Variants in LTF observed in about 807,000 individuals in gnomAD.
LTF encodes the protein lactotransferrin.
Under a neutral mutation model 87.2 loss-of-function variants are expected in LTF, and 91 were observed. The ratio of observed to expected loss-of-function variants is 1.04; its 90% CI spans 0.88 to 1.24. The LOEUF (loss-of-function observed/expected upper bound fraction) is 1.24. Ranked by LOEUF, LTF falls within the 50% of genes most tolerant of loss-of-function variation. The probability of loss-of-function intolerance (pLI) is 0.00; values close to 1 mark genes in which losing one functional copy is unlikely to be tolerated. For missense variants in LTF, 901 were observed against 904.3 expected, an observed-to-expected ratio of 1.00 and a Z score of 0.05; for synonymous variants, 378 against 356.1, an observed-to-expected ratio of 1.06 and a Z score of -0.69.
chr3:46,468,322 G>T, upstream of LTF: 2 of 456,758 alleles, frequency 4.4e-6, no homozygotes, highest in Non-Finnish European at 8.8e-6. Context: ...CAAAGAGCCT[G>T]CAGGGAAGCA....
intron 1 of LTF, among the ~76,000 whole-genome samples, chr3:46,461,182 G>T (rs1703072104): frequency 6.6e-6 from 1 of 152,198 alleles, no homozygotes; most frequent in South Asian, 2.1e-4. Flanking sequence ...GTGGAGAAGT[G>T]GAAACCCTCA....
intron 1 of LTF, among the ~76,000 whole-genome samples, chr3:46,476,801 G>C (rs1383005518): frequency 1.3e-5 from 2 of 152,166 alleles, no homozygotes; most frequent in African/African-American, 4.8e-5. Flanking sequence ...TTGTATAGAA[G>C]GTGCCTGAGG....
Position 46,482,492 on chromosome 3 carries a change from AG to A in LTF, c.-320+2493del, listed in dbSNP as rs1340716823. ...CAAAAAAGAAAGGAGAAGGAAGGGA[AG>A]GGAAGGGAAGGGAAGGGAAGGGAAG... On this transcript the variant is annotated intron_variant, in intron 1 of 19. Coordinates refer to the LTF transcript ENST00000443496. Among the ~76,000 whole-genome samples the A allele has an allele frequency of 5.4e-3, 15 of 2,800 alleles. 1 individual carries two copies. In the East Asian group the frequency reaches 0.2, roughly 37 times the overall value. 1.8% of individuals were successfully genotyped at this position (2,800 alleles called of 152,430 possible).
intron 1 of LTF, chr3:46,460,489 C>T (rs996425448): frequency 6.7e-6 from 3 of 446,190 alleles, no homozygotes; most frequent in African/African-American, 6.0e-5. Flanking sequence ...TGCTCAAATA[C>T]TGGTTCTTCT....
intron 1 of LTF, 90 bp downstream of exon 1, chr3:46,464,735 G>GCCAA (rs1703171333): frequency 6.8e-7 from 1 of 1,477,938 alleles, no homozygotes; most frequent in Admixed American, 1.9e-5. Context: ...CCCGCGCCCA[G>GCCAA]CCAACCGGAC....
At chr3:46,465,384 C>T (rs575424784), upstream of LTF, among the ~76,000 whole-genome samples, 3 of 152,324 alleles carry the variant, frequency 2.0e-5, no homozygotes, top group Admixed American at 6.5e-5. Flanking sequence ...CGACCACCCC[C>T]AGCAGCAGCC....
chr3:46,456,771 C>A (rs4683228), intron 2 of LTF, among the ~76,000 whole-genome samples: 62,562 of 152,102 alleles, frequency 0.41, 13,731 homozygotes, highest in East Asian at 0.61. Flanking sequence ...AGTTATTAAG[C>A]TATCCTAAAA....
chr3:46,450,120 T>A (rs1702766443), intron 7 of LTF, 92 bp from the exon 8 acceptor site: 5 of 1,076,444 alleles, frequency 4.6e-6, no homozygotes, highest in Non-Finnish European at 6.7e-6. Context: ...AGCTTTGGGA[T>A]CATTCTAACT....
intron 6 of LTF, 143 bp downstream of exon 6, chr3:46,454,162 G>C: frequency 1.3e-6 from 1 of 756,504 alleles, no homozygotes. Context: ...AAATATGAAA[G>C]ATCATAAAAT....
rs754789577 is a variant in LTF, at chr3:46,455,406, C to T, written c.536G>A (p.Gly179Asp). The change falls in exon 5 of 17, where the codon GGT becomes GAT. Residue 179 changes from glycine (G) to aspartate (D), a missense_variant. Coordinates refer to ENST00000231751, the MANE Select transcript of LTF (RefSeq NM_002343.6). ...ARFFSASCVP[G>D]ADKGQFPNLC... ...GTTGGGGAACTGTCCTTTATCTGCA[C>T]CGGGAACACAGCTGGCTGAGAAGAA... 1.9e-6 allele frequency: 3 copies of T among 1,614,222 alleles called. No individual in the cohort carries two copies. Among genetic ancestry groups the T allele is most frequent in the South Asian group, 1.1e-5 (1 of 91,086 alleles).
upstream of LTF, among the ~76,000 whole-genome samples, chr3:46,467,634 CTTTTCTTTTCTT>C (rs1007284970): frequency 5.7e-5 from 8 of 140,814 alleles, no homozygotes; most frequent in African/African-American, 2.1e-4. Context: ...TTTTTCTTTT[CTTTTCTTTTCTT>C]TTTTTTTTTT....
intron 10 of LTF, 33 bp downstream of exon 10, chr3:46,447,275 G>T: frequency 6.5e-7 from 1 of 1,542,852 alleles, no homozygotes; most frequent in Non-Finnish European, 9.0e-7. Context: ...ATGACCCAGA[G>T]GGAATATACC....
chr3:46,443,653 C>A, intron 12 of LTF, 71 bp from the exon 13 acceptor site: 1 of 1,522,140 alleles, frequency 6.6e-7, no homozygotes, highest in South Asian at 1.1e-5. Flanking sequence ...ACCTAACAGC[C>A]GATGCAGGGT....
chr3:46,447,293 G>A lies in LTF; in HGVS notation c.1303+15C>T. ...ACCCAGAGGGAATATACCAGAGGAT[G>A]CTAACTCCACTTACTGTAGTTCTCT... On this transcript the variant is annotated intron_variant, in intron 10 of 16. Coordinates refer to ENST00000231751, the MANE Select transcript of LTF (RefSeq NM_002343.6). The A allele has an allele frequency of 6.2e-7, 1 of 1,606,874 alleles. No individual in the cohort carries two copies. Among genetic ancestry groups the A allele is most frequent in the Admixed American group, 1.7e-5 (1 of 60,018 alleles).
chr3:46,482,525 G>A lies in LTF; in HGVS notation c.-320+2461C>T, dbSNP rs368931190. 1.1e-3 allele frequency among the ~76,000 whole-genome samples: 79 copies of A among 74,302 alleles called. 2 individuals are homozygous for A. Among genetic ancestry groups the A allele is most frequent in the African/African-American group, 4.7e-3 (57 of 12,236 alleles). The allele number at this position is 74,302 out of a possible 152,430, so 48.7% of individuals were successfully genotyped here. ...GAAGGGAAGGGAAGGGAAGGGAAGG[G>A]AAGGGAAGGGAAGGGAAGGGAAGGG... On this transcript the variant is annotated intron_variant, in intron 1 of 19. Coordinates refer to the LTF transcript ENST00000443496.
At chr3:46,473,013 TG>T (rs970453182) in intron 1 of LTF, among the ~76,000 whole-genome samples, 1 of 152,122 alleles carries the variant, frequency 6.6e-6, no homozygotes, top group African/African-American at 2.4e-5. Flanking sequence ...ACATGTCATC[TG>T]GGCCCAGATG....
upstream of LTF, among the ~76,000 whole-genome samples, chr3:46,469,275 A>G (rs1703253716): frequency 1.3e-5 from 2 of 152,236 alleles, no homozygotes; most frequent in Admixed American, 1.3e-4. Flanking sequence ...TTTCTCCTCC[A>G]TGAGCCAAGA....
At chr3:46,442,337 G>A (rs1214825094) in intron 13 of LTF, among the ~76,000 whole-genome samples, 2 of 152,032 alleles carry the variant, frequency 1.3e-5, no homozygotes, top group East Asian at 3.8e-4. Flanking sequence ...TAGAAATAAA[G>A]GGGTATGACA....
At chr3:46,465,037 C>A (rs1270882066), upstream of LTF, 1 of 692,412 alleles carries the variant, frequency 1.4e-6, no homozygotes, top group East Asian at 2.7e-5. Context: ...TCCGAAAAGC[C>A]CTGAGGCAGG....
Sources: gnomAD v4.1 joint callset for allele counts (sites outside exome capture counted in the v4.1 genomes callset) on GRCh38, gnomAD v4.1.1 for gene constraint, MANE v1.5 for transcripts, NCBI Gene and HGNC (gene_info 2026-07-23, HGNC 2026-07-21) for gene names.